Variants in CBR4 observed in about 807,000 individuals in gnomAD.
CBR4 encodes carbonyl reductase 4.
Under a neutral mutation model 21.0 loss-of-function variants are expected in CBR4, and 22 were observed. That is an observed-to-expected ratio of 1.05 (90% CI 0.75 to 1.50). The LOEUF is 1.50. Among genes scored for constraint, CBR4 ranks in the 40% most tolerant of loss-of-function variants. The pLI, the probability that CBR4 is intolerant of heterozygous loss-of-function variation, is 0.00. For missense variants in CBR4, 302 were observed against 286.3 expected (o/e 1.05, Z -0.40); for synonymous variants, 100 against 104.4 (o/e 0.96, Z 0.26).
chr4:168,974,051 G>T (rs910238795), intron 2 of CBR4, among the ~76,000 whole-genome samples: 2 of 151,822 alleles, frequency 1.3e-5, no homozygotes, highest in Non-Finnish European at 2.9e-5. Flanking sequence ...GTTCTATTTT[G>T]GTGTATTTCA....
intron 2 of CBR4, among the ~76,000 whole-genome samples, chr4:168,947,124 G>GT (rs896414345): frequency 4.6e-5 from 7 of 151,140 alleles, no homozygotes; most frequent in East Asian, 1.9e-4. Context: ...CCCCTGTCAT[G>GT]TTTTTTTTTA....
chr4:168,973,116 C>A (rs928335806), intron 2 of CBR4, among the ~76,000 whole-genome samples: 6 of 152,180 alleles, frequency 3.9e-5, no homozygotes, highest in Non-Finnish European at 7.4e-5. Context: ...GCGTCCCCAT[C>A]ATGAAATACA....
At chr4:168,917,330 G>A (rs1463580921) in intron 2 of CBR4, among the ~76,000 whole-genome samples, 1 of 152,182 alleles carries the variant, frequency 6.6e-6, no homozygotes, top group East Asian at 1.9e-4. Context: ...TTACAGGCAT[G>A]AGCCACCACA....
intron 3 of CBR4, among the ~76,000 whole-genome samples, chr4:169,003,888 TG>T (rs1249535417): frequency 2.0e-5 from 3 of 151,938 alleles, no homozygotes; most frequent in Non-Finnish European, 4.4e-5. Flanking sequence ...AGGTGGGAAC[TG>T]AACAATGAGA....
intron 2 of CBR4, chr4:168,925,268 C>T (rs1762359961): frequency 6.2e-7 from 1 of 1,604,502 alleles, no homozygotes; most frequent in African/African-American, 1.3e-5. Context: ...ACCAGGAGAA[C>T]AAATACCCAA....
intron 3 of CBR4, among the ~76,000 whole-genome samples, chr4:169,005,013 A>G (rs1322535986): frequency 6.6e-6 from 1 of 152,236 alleles, no homozygotes; most frequent in African/African-American, 2.4e-5. Flanking sequence ...GTAATTTTAA[A>G]AAAAGAAAAC....
chr4:168,966,955 C>T (rs1279776300), intron 2 of CBR4, among the ~76,000 whole-genome samples: 2 of 151,040 alleles, frequency 1.3e-5, no homozygotes, highest in Non-Finnish European at 2.9e-5. Context: ...GCCGAGCTTG[C>T]AGCGAGTCCA....
At chr4:168,952,270 A>AT (rs917306355) in intron 2 of CBR4, among the ~76,000 whole-genome samples, 142 of 148,788 alleles carry the variant, frequency 9.5e-4, no homozygotes, top group African/African-American at 2.3e-3. Context: ...TGAAGTTTTG[A>AT]TTTTTTTTTT....
At position 168,989,680 on chromosome 4, in the gene CBR4, A is replaced by C; in HGVS notation, c.*470T>G. Reference sequence around the variant, plus strand: ...CAAGAAAATAATTCATCATAATTAGACAATATAATTTTTCCACTTTTGAGA... The same window carrying C: ...CAAGAAAATAATTCATCATAATTAGCCAATATAATTTTTCCACTTTTGAGA... On this transcript the variant is annotated 3_prime_UTR_variant, in exon 5 of 5. Transcript: ENST00000306193. The C allele has an allele frequency of 1.0e-6, 1 of 983,398 alleles. No homozygotes were observed. The highest frequency in any genetic ancestry group is 1.2e-6 in the Non-Finnish European group (1 of 828,066). The allele number at this position is 983,398 out of a possible 1,614,324, so 60.9% of individuals were successfully genotyped here. A position where few individuals can be genotyped will look rare whatever the true frequency, so the allele number is the denominator to read the frequency against.
chr4:168,919,662 C>G (rs1453946742), intron 2 of CBR4, among the ~76,000 whole-genome samples: 1 of 152,120 alleles, frequency 6.6e-6, no homozygotes, highest in Non-Finnish European at 1.5e-5. Flanking sequence ...GCTTTTCCTC[C>G]AAAAAGCCCC....
intron 4 of CBR4, among the ~76,000 whole-genome samples, chr4:168,995,077 C>G (rs1015005923): frequency 2.0e-5 from 3 of 152,076 alleles, no homozygotes; most frequent in African/African-American, 7.2e-5. Context: ...TTTAGCCCTA[C>G]AACACTACGA....
At chr4:169,007,607 T>G (rs1731018472) in intron 2 of CBR4, 29 bp downstream of exon 2, 1 of 1,409,146 alleles carries the variant, frequency 7.1e-7, no homozygotes, top group African/African-American at 1.5e-5. Flanking sequence ...AATATATATA[T>G]AAGAAACTTA....
chr4:168,952,339 T>G (rs560821386), intron 2 of CBR4, among the ~76,000 whole-genome samples: 5 of 152,338 alleles, frequency 3.3e-5, no homozygotes, highest in Non-Finnish European at 7.4e-5. Context: ...TTTTTGGATT[T>G]CCTTGCATTG....
chr4:168,955,829 C>A (rs1763669540), intron 2 of CBR4, among the ~76,000 whole-genome samples: 1 of 152,058 alleles, frequency 6.6e-6, no homozygotes, highest in African/African-American at 2.4e-5. Context: ...GCAGCAATGG[C>A]CACAAGGGAT....
At position 168,924,207 on chromosome 4, in the gene CBR4, G is replaced by T. The variant is rs1052056316; in HGVS notation, n.170-29442C>A. Reference sequence around the variant, plus strand: ...AAAAGCCTTCTGAATTCTTTCTAGTGCTCCTTTTGTATATCATTGATAGAG... The same window carrying T: ...AAAAGCCTTCTGAATTCTTTCTAGTTCTCCTTTTGTATATCATTGATAGAG... On this transcript the variant is annotated intron_variant and non_coding_transcript_variant, in intron 2 of 3. Coordinates refer to the CBR4 transcript ENST00000509108. 5 of 1,527,542 alleles carry T rather than the reference G, an allele frequency of 3.3e-6. No individual in the cohort carries two copies. In the African/African-American group the frequency reaches 5.5e-5, roughly 17 times the overall value. The allele number at this position is 1,527,542 out of a possible 1,614,324, so 94.6% of individuals were successfully genotyped here.
At chr4:168,984,487 CA>C (rs376326117), downstream of CBR4, among the ~76,000 whole-genome samples, 81,523 of 151,868 alleles carry the variant, frequency 0.54, 25,056 homozygotes, top group East Asian at 0.87. Flanking sequence ...ATGCCCAAAG[CA>C]ATTTACAGAT....
intron 2 of CBR4, among the ~76,000 whole-genome samples, chr4:168,935,993 C>G (rs770119305): frequency 6.6e-6 from 1 of 152,208 alleles, no homozygotes; most frequent in South Asian, 2.1e-4. Flanking sequence ...TGGGAGACGC[C>G]TCCCAGCAGG....
intron 2 of CBR4, among the ~76,000 whole-genome samples, chr4:168,900,156 T>C (rs1329163327): frequency 6.6e-6 from 1 of 152,132 alleles, no homozygotes; most frequent in Non-Finnish European, 1.5e-5. Flanking sequence ...AGAACTCACT[T>C]ACCACCAAGG....
chr4:168,981,353 C>T (rs867170758), intron 2 of CBR4, among the ~76,000 whole-genome samples: 3 of 151,978 alleles, frequency 2.0e-5, no homozygotes, highest in African/African-American at 4.8e-5. Context: ...GAGCCGAGAT[C>T]GCATCACTGC....
Sources: allele counts gnomAD v4.1 joint callset (sites outside exome capture counted in the v4.1 genomes callset), GRCh38; gene constraint gnomAD v4.1.1; transcripts MANE v1.5; gene names NCBI Gene and HGNC (gene_info 2026-07-23, HGNC 2026-07-21).